Variants in DOCK7 observed in about 807,000 individuals in gnomAD.
DOCK7 encodes the protein dedicator of cytokinesis 7.
DOCK7 carries 138 observed loss-of-function variants against 271.0 expected under a neutral mutation model. The ratio of observed to expected loss-of-function variants is 0.51; its 90% CI spans 0.44 to 0.59. The LOEUF (loss-of-function observed/expected upper bound fraction) is 0.59, where lower values mean the gene tolerates loss of function less well. Among genes scored for constraint, DOCK7 ranks in the 20% least tolerant of loss-of-function variants. DOCK7 has a pLI of 0.00. For synonymous variants in DOCK7, 823 were observed against 876.1 expected (o/e 0.94, Z 1.07); for missense variants, 2,066 against 2,592.4 (o/e 0.80, Z 4.41).
At chr1:62,481,614 T>C (rs1220925865) in intron 43 of DOCK7, 1 of 152,178 alleles carries the variant, frequency 6.6e-6, no homozygotes, top group East Asian at 1.9e-4. Flanking sequence ...TCTTTACTGT[T>C]ATGAATCCTT....
rs568748809 is a variant in DOCK7, at chr1:62,622,989, G to C, written c.1425+2270C>G. On this transcript the variant is annotated intron_variant, in intron 12 of 49. Coordinates refer to ENST00000635253, the MANE Select transcript of DOCK7 (RefSeq NM_001367561.1). ...AGGTCTCACCATGTTGCCCAGGCTG[G>C]TCTTGAACTCTTAGGCTCAAGCGAC... 6.6e-4 allele frequency among the ~76,000 whole-genome samples: 100 copies of C among 152,140 alleles called. 2 individuals are homozygous for C. The highest frequency in any genetic ancestry group is 6.8e-3 in the Middle Eastern group (2 of 294).
chr1:62,625,397 T>G lies in DOCK7; in HGVS notation c.1287A>C (p.Arg429=). ...STEVEISTGE[R]KGSWSERRNS... The stretch of plus-strand genomic sequence containing the variant: ...TCCTCCTCTCTGACCAAGACCCTTT[T>G]CGTTCTACAAAAGAATTAAAAAAAA... The change falls in exon 12 of 50, where the codon CGA becomes CGC. Residue 429 remains arginine, a synonymous_variant. Coordinates refer to ENST00000635253, the MANE Select transcript of DOCK7 (RefSeq NM_001367561.1). 6.3e-7 allele frequency: 1 copy of G among 1,590,016 alleles called. No homozygotes were observed. Among genetic ancestry groups the G allele is most frequent in the Non-Finnish European group, 8.5e-7 (1 of 1,170,984 alleles).
intron 1 of DOCK7, among the ~76,000 whole-genome samples, chr1:62,674,152 A>T (rs1204908507): frequency 6.6e-6 from 1 of 152,238 alleles, no homozygotes; most frequent in East Asian, 1.9e-4. Context: ...GTATCTCTAT[A>T]TACTAGCAAT....
chr1:62,456,096 C>CA (rs1645340434), intron 49 of DOCK7, among the ~76,000 whole-genome samples: 1 of 152,102 alleles, frequency 6.6e-6, no homozygotes, highest in South Asian at 2.1e-4. Flanking sequence ...TTTCCAATGT[C>CA]ACATCTCAAC....
intron 4 of DOCK7, among the ~76,000 whole-genome samples, chr1:62,648,835 G>T (rs1571897592): frequency 6.6e-6 from 1 of 151,930 alleles, no homozygotes; most frequent in Non-Finnish European, 1.5e-5. Flanking sequence ...TCAGTAAAAA[G>T]AAAACTTGGG....
intron 48 of DOCK7, among the ~76,000 whole-genome samples, chr1:62,464,221 G>A (rs1177541): frequency 0.58 from 87,000 of 151,146 alleles, 26,682 homozygotes; most frequent in East Asian, 0.75. Flanking sequence ...CACCATGCCC[G>A]GCTAATTTCT....
intron 1 of DOCK7, among the ~76,000 whole-genome samples, chr1:62,670,181 TGG>T (rs1365149199): frequency 2.6e-5 from 4 of 152,228 alleles, no homozygotes; most frequent in Non-Finnish European, 5.9e-5. Context: ...ACCCCCTCCG[TGG>T]GCTCCTTTGC....
chr1:62,579,370 C>T (rs1647041289), intron 16 of DOCK7, among the ~76,000 whole-genome samples: 1 of 152,040 alleles, frequency 6.6e-6, no homozygotes. Flanking sequence ...CATATTAAAA[C>T]TAATGTTTAT....
At chr1:62,541,851 G>T (rs1242564805) in intron 25 of DOCK7, among the ~76,000 whole-genome samples, 3 of 152,068 alleles carry the variant, frequency 2.0e-5, no homozygotes, top group African/African-American at 7.2e-5. Context: ...TTTTAAAAGT[G>T]TCACTTATTT....
intron 1 of DOCK7, among the ~76,000 whole-genome samples, chr1:62,675,035 TA>T (rs1320163613): frequency 6.6e-6 from 1 of 152,176 alleles, no homozygotes; most frequent in Non-Finnish European, 1.5e-5. Context: ...ACAATAGTTG[TA>T]AATTATATAT....
intron 21 of DOCK7, 83 bp from the exon 22 acceptor site, chr1:62,552,984 A>T: frequency 9.1e-7 from 1 of 1,099,736 alleles, no homozygotes; most frequent in East Asian, 2.9e-5. Context: ...CACTTTAGAA[A>T]ATTCCACAAA....
At chr1:62,553,334 A>G (rs1645993974) in intron 21 of DOCK7, among the ~76,000 whole-genome samples, 3 of 3,844 alleles carry the variant, frequency 7.8e-4, no homozygotes, top group African/African-American at 3.4e-3. Flanking sequence ...ATATATATAT[A>G]TATATATATA....
intron 27 of DOCK7, among the ~76,000 whole-genome samples, chr1:62,539,177 T>A (rs1645445666): frequency 6.6e-6 from 1 of 152,200 alleles, no homozygotes; most frequent in Non-Finnish European, 1.5e-5. Context: ...GCAGTTGCTT[T>A]AAAAATCACT....
intron 41 of DOCK7, among the ~76,000 whole-genome samples, chr1:62,490,243 T>C (rs929467795): frequency 1.8e-4 from 27 of 151,866 alleles, no homozygotes; most frequent in African/African-American, 6.5e-4. Flanking sequence ...GCTAATTTTT[T>C]CATTTTTTGT....
chr1:62,458,496 C>G (rs1472043924), intron 48 of DOCK7: 1 of 150,926 alleles, frequency 6.6e-6, no homozygotes, highest in Non-Finnish European at 1.5e-5. Context: ...TCATCTGGCA[C>G]AGTGTCTGCC....
chr1:62,542,789 T>C (rs1645578931), intron 24 of DOCK7, 86 bp from the exon 25 acceptor site: 2 of 1,315,332 alleles, frequency 1.5e-6, no homozygotes, highest in South Asian at 1.3e-5. Flanking sequence ...CAAACGAAGA[T>C]ATAATGAGAA....
At chr1:62,461,055 T>C (rs556585381) in intron 48 of DOCK7, 21 of 152,302 alleles carry the variant, frequency 1.4e-4, no homozygotes, top group East Asian at 3.9e-4. Context: ...AAGCACTTGA[T>C]AACAAACTTT....
At chr1:62,565,977 C>A (rs1394601752) in intron 18 of DOCK7, among the ~76,000 whole-genome samples, 1 of 152,028 alleles carries the variant, frequency 6.6e-6, no homozygotes, top group Non-Finnish European at 1.5e-5. Context: ...ATAAAATACC[C>A]AGGAATACAA....
chr1:62,658,072 A>G (rs1658235585), intron 2 of DOCK7, among the ~76,000 whole-genome samples: 1 of 152,006 alleles, frequency 6.6e-6, no homozygotes, highest in Non-Finnish European at 1.5e-5. Context: ...CAAGAAGCTA[A>G]GCAAACCTTA....
Sources: allele counts gnomAD v4.1 joint callset (sites outside exome capture counted in the v4.1 genomes callset), GRCh38; gene constraint gnomAD v4.1.1; transcripts MANE v1.5; gene names NCBI Gene and HGNC (gene_info 2026-07-23, HGNC 2026-07-21).